Variants in PKHD1 observed in about 807,000 individuals in gnomAD.
PKHD1 encodes the protein fibrocystin.
PKHD1 carries 291 observed loss-of-function variants against 412.0 expected under a neutral mutation model. That is an observed-to-expected ratio of 0.71 (90% CI 0.64 to 0.78). PKHD1 has a LOEUF of 0.78. PKHD1 is among the 30% of genes least tolerant of loss of function. PKHD1 has a pLI of 0.00. For missense variants in PKHD1, 4,825 were observed against 4,950.7 expected, an observed-to-expected ratio of 0.97 and a Z score of 0.76; for synonymous variants, 1,777 against 1,821.5, an observed-to-expected ratio of 0.98 and a Z score of 0.62.
In PKHD1 at chr6:51,648,038, C is replaced by T. The variant is rs1770350339; in HGVS notation, c.11391G>A (p.Val3797=). The T allele has an allele frequency of 6.3e-7, 1 of 1,575,128 alleles. No homozygotes were observed. Among genetic ancestry groups the T allele is most frequent in the East Asian group, 2.2e-5 (1 of 44,684 alleles). ...TACAGATACTTTACCTACCTTTTAG[C>T]ACTGAGTCTGATGCTCCTTCCAGGG... ...SASLEGASDS[V]LKGCTQAETQ... is the part of the protein sequence containing the mutation. The change falls in exon 63 of 67, where the codon GTG becomes GTA. Residue 3797 remains valine (V), a synonymous_variant. Transcript: ENST00000371117.
At chr6:51,697,985 G>T (rs1374325573) in intron 60 of PKHD1, among the ~76,000 whole-genome samples, 1 of 152,156 alleles carries the variant, frequency 6.6e-6, no homozygotes, top group African/African-American at 2.4e-5. Context: ...GTAAGGAAAG[G>T]ATCACATTAT....
chr6:51,990,164 C>T (rs550031713), intron 35 of PKHD1, among the ~76,000 whole-genome samples: 9 of 151,776 alleles, frequency 5.9e-5, no homozygotes, highest in African/African-American at 2.2e-4. Context: ...CTATTGCCCT[C>T]ATGCCAGTAA....
intron 60 of PKHD1, among the ~76,000 whole-genome samples, chr6:51,742,504 T>C (rs1308698320): frequency 2.6e-5 from 4 of 152,202 alleles, no homozygotes; most frequent in East Asian, 1.9e-4. Context: ...AAAAGATACA[T>C]AGAACTGTCT....
rs148293159 is a variant in PKHD1, at chr6:51,714,221, T to C, written c.10156+30164A>G. On this transcript the variant is annotated intron_variant, in intron 60 of 66. Transcript: ENST00000371117. The stretch of plus-strand genomic sequence containing the variant: ...CCCATCTCTATGAAAAATACAAAAA[T>C]TAGCCAGGTGTGGTGGCACACGCCA... Among the ~76,000 whole-genome samples the C allele has an allele frequency of 2.2e-3, 339 of 152,138 alleles. 3 individuals carry two copies. The highest frequency in any genetic ancestry group is 0.013 in the South Asian group (62 of 4,806).
intron 52 of PKHD1, among the ~76,000 whole-genome samples, chr6:51,793,160 C>G (rs1236840322): frequency 3.9e-5 from 6 of 152,058 alleles, no homozygotes; most frequent in Non-Finnish European, 7.4e-5. Context: ...TCAAGCTAAA[C>G]AGACAAAAAT....
At chr6:51,727,607 T>TC (rs1280133570) in intron 60 of PKHD1, among the ~76,000 whole-genome samples, 1 of 152,184 alleles carries the variant, frequency 6.6e-6, no homozygotes, top group African/African-American at 2.4e-5. Flanking sequence ...TGCAGTGCCC[T>TC]CCTTACCCTT....
intron 60 of PKHD1, among the ~76,000 whole-genome samples, chr6:51,673,346 C>G (rs1357362181): frequency 6.6e-6 from 1 of 152,180 alleles, no homozygotes; most frequent in East Asian, 1.9e-4. Context: ...TCCAGCTTCC[C>G]CATGCCAACA....
At chr6:51,822,069 G>A (rs752517391) in intron 52 of PKHD1, among the ~76,000 whole-genome samples, 10 of 152,144 alleles carry the variant, frequency 6.6e-5, no homozygotes, top group Non-Finnish European at 1.3e-4. Context: ...AGTTTGGTGG[G>A]ACTGAGCCTA....
At chr6:52,002,135 C>G (rs780923133) in intron 35 of PKHD1, among the ~76,000 whole-genome samples, 3 of 152,158 alleles carry the variant, frequency 2.0e-5, no homozygotes, top group Non-Finnish European at 2.9e-5. Context: ...GCCTCAAATC[C>G]AGTTTTATTT....
chr6:51,715,285 C>CCAGTA (rs1333216278), intron 60 of PKHD1, among the ~76,000 whole-genome samples: 1 of 151,984 alleles, frequency 6.6e-6, no homozygotes, highest in Non-Finnish European at 1.5e-5. Context: ...GTTTACAGAG[C>CCAGTA]CAGTAACTGG....
At chr6:51,933,901 T>C (rs961825391) in intron 37 of PKHD1, among the ~76,000 whole-genome samples, 16 of 152,180 alleles carry the variant, frequency 1.1e-4, no homozygotes, top group African/African-American at 3.9e-4. Flanking sequence ...ACAATCCTCT[T>C]ACAGAAAGAG....
rs371025067 is a variant in PKHD1, at chr6:51,830,827, G to C, written c.8302+34C>G. 1.2e-5 allele frequency: 19 copies of C among 1,602,236 alleles called. No homozygotes were observed. The African/African-American group carries it at 2.1e-4, about 18-fold the overall frequency. ...AATCAGATCTGGCTGGGTTCAGCCT[G>C]TCTGTGATTCATCTCTTGGGTAGTT... is the stretch of plus-strand genomic sequence containing the variant. On this transcript the variant is annotated intron_variant, in intron 52 of 66. Coordinates refer to ENST00000371117, the MANE Select transcript of PKHD1 (RefSeq NM_138694.4).
At chr6:51,925,173 T>G (rs1162151645) in intron 37 of PKHD1, among the ~76,000 whole-genome samples, 2 of 152,154 alleles carry the variant, frequency 1.3e-5, no homozygotes, top group Non-Finnish European at 2.9e-5. Flanking sequence ...CTAGAGAAGA[T>G]GCAGAACGCC....
rs974260036 is a variant in PKHD1, at chr6:51,959,970, A to C, written c.5808T>G (p.Pro1936=). The C allele has an allele frequency of 1.2e-6, 2 of 1,613,452 alleles. No homozygotes were observed. Among genetic ancestry groups the C allele is most frequent in the African/African-American group, 2.7e-5 (2 of 74,860 alleles). The part of the protein sequence containing the change: ...RRWSRTHSWF[P]ERLPQDGDNV... Reference sequence around the variant, plus strand: ...TGTCGCCATCTTGTGGCAGCCTTTCAGGAAACCAGCTGTGAGTCCTGGACC... The same window carrying C: ...TGTCGCCATCTTGTGGCAGCCTTTCCGGAAACCAGCTGTGAGTCCTGGACC... Residue 1936 remains proline, a synonymous_variant, in exon 36 of 67, where the codon CCT becomes CCG. Transcript: ENST00000371117.
At chr6:51,623,035 T>C (rs1466280382) in intron 66 of PKHD1, among the ~76,000 whole-genome samples, 13 of 152,160 alleles carry the variant, frequency 8.5e-5, no homozygotes, top group African/African-American at 2.9e-4. Flanking sequence ...AATAGTGACA[T>C]AAATATTATT....
intron 43 of PKHD1, among the ~76,000 whole-genome samples, chr6:51,898,154 C>A (rs1780465405): frequency 6.6e-6 from 1 of 152,104 alleles, no homozygotes; most frequent in African/African-American, 2.4e-5. Flanking sequence ...CAGCTCTGCA[C>A]CAAGCGAACC....
At chr6:51,979,544 T>C (rs890468985) in intron 35 of PKHD1, among the ~76,000 whole-genome samples, 3 of 151,418 alleles carry the variant, frequency 2.0e-5, no homozygotes, top group African/African-American at 7.3e-5. Context: ...TCTTTCTCCC[T>C]CTCTCTCTCC....
intron 60 of PKHD1, among the ~76,000 whole-genome samples, chr6:51,739,717 G>A (rs1395698231): frequency 6.6e-6 from 1 of 152,158 alleles, no homozygotes; most frequent in African/African-American, 2.4e-5. Flanking sequence ...GAATGAAAAT[G>A]CCAATTTCAG....
At chr6:52,070,709 C>A (rs1039013915) in intron 9 of PKHD1, among the ~76,000 whole-genome samples, 2 of 152,070 alleles carry the variant, frequency 1.3e-5, no homozygotes, top group Non-Finnish European at 2.9e-5. Context: ...CAGGGAAGAG[C>A]CCAGGCTTCG....
Sources: gnomAD v4.1 joint callset for allele counts (sites outside exome capture counted in the v4.1 genomes callset) on GRCh38, gnomAD v4.1.1 for gene constraint, MANE v1.5 for transcripts, NCBI Gene and HGNC (gene_info 2026-07-23, HGNC 2026-07-21) for gene names.